The following ERBB4 variants were observed in gnomAD, a reference collection of about 807,000 sequenced individuals.
The protein encoded by ERBB4 is receptor tyrosine-protein kinase erbB-4.
Under a neutral mutation model 158.0 loss-of-function variants are expected in ERBB4, and 42 were observed. That is an observed-to-expected ratio of 0.27 (90% CI 0.21 to 0.34). ERBB4 has a LOEUF of 0.34. Ranked by LOEUF, ERBB4 falls within the 10% of genes least tolerant of loss-of-function variation. ERBB4 has a pLI of 1.00. For synonymous variants in ERBB4, 583 were observed against 558.7 expected, an observed-to-expected ratio of 1.04 and a Z score of -0.61; for missense variants, 1,333 against 1,624.1, an observed-to-expected ratio of 0.82 and a Z score of 3.08.
At chr2:211,722,204 T>A (rs912876764) in intron 7 of ERBB4, among the ~76,000 whole-genome samples, 189 bp downstream of exon 7, 1 of 152,182 alleles carries the variant, frequency 6.6e-6, no homozygotes, top group African/African-American at 2.4e-5. Flanking sequence ...CCTTTTGCTA[T>A]GAAACTTTAC....
At chr2:212,479,019 T>C (rs1347768976) in intron 1 of ERBB4, among the ~76,000 whole-genome samples, 1 of 152,194 alleles carries the variant, frequency 6.6e-6, no homozygotes, top group Non-Finnish European at 1.5e-5. Flanking sequence ...CTGGGCACTA[T>C]GCCAAGCCCT....
chr2:212,140,858 T>TGC (rs2080441092), intron 1 of ERBB4, among the ~76,000 whole-genome samples: 1 of 150,328 alleles, frequency 6.7e-6, no homozygotes, highest in African/African-American at 2.4e-5. Context: ...TGTGTGTGTG[T>TGC]GTGTGTGTGT....
intron 3 of ERBB4, among the ~76,000 whole-genome samples, chr2:211,789,840 A>C (rs559265139): frequency 6.6e-6 from 1 of 152,226 alleles, no homozygotes; most frequent in African/African-American, 2.4e-5. Context: ...TTATTTGTGG[A>C]CTGGTGGTCA....
intron 3 of ERBB4, among the ~76,000 whole-genome samples, chr2:211,797,597 T>C (rs940299049): frequency 6.6e-6 from 1 of 151,958 alleles, no homozygotes; most frequent in Admixed American, 6.6e-5. Flanking sequence ...GATTTTCAAA[T>C]ATGTCAAGAT....
chr2:211,428,544 T>G lies in ERBB4; in HGVS notation c.2644-61A>C, dbSNP rs2063683720. 3 of 914,200 alleles carry G rather than the reference T, an allele frequency of 3.3e-6. No homozygotes were observed. In the Admixed American group the frequency reaches 5.2e-5, roughly 16 times the overall value. The allele number at this position is 914,200 out of a possible 1,614,324, so 56.6% of individuals were successfully genotyped here. Reference sequence around the variant, plus strand: ...CATTAAAAATTCATTTCTATATGTATTTCCTAAATGTGAGTCTTTGGGCTG... The same window carrying G: ...CATTAAAAATTCATTTCTATATGTAGTTCCTAAATGTGAGTCTTTGGGCTG... On this transcript the variant is annotated intron_variant, in intron 21 of 27. Transcript: ENST00000342788.
At chr2:211,978,141 C>T (rs1324748191) in intron 2 of ERBB4, among the ~76,000 whole-genome samples, 3 of 151,790 alleles carry the variant, frequency 2.0e-5, no homozygotes, top group East Asian at 3.9e-4. Flanking sequence ...CACCAGAATA[C>T]ATAAATTTCC....
intron 3 of ERBB4, among the ~76,000 whole-genome samples, chr2:211,863,458 T>C (rs973965188): frequency 6.6e-6 from 1 of 152,236 alleles, no homozygotes; most frequent in Non-Finnish European, 1.5e-5. Flanking sequence ...GCTCACTTTT[T>C]GTGTCCGCAC....
chr2:212,442,342 A>G (rs1350995049), intron 1 of ERBB4, among the ~76,000 whole-genome samples: 2 of 152,184 alleles, frequency 1.3e-5, no homozygotes, highest in African/African-American at 4.8e-5. Flanking sequence ...AATGAAGGGG[A>G]GGCTGGGTCC....
intron 14 of ERBB4, among the ~76,000 whole-genome samples, chr2:211,667,645 T>C (rs866139493): frequency 5.3e-5 from 8 of 152,270 alleles, no homozygotes; most frequent in African/African-American, 1.9e-4. Flanking sequence ...TGACTTATTG[T>C]ACAAGACAAG....
chr2:211,499,208 G>T (rs2125587759), intron 20 of ERBB4, among the ~76,000 whole-genome samples: 1 of 152,130 alleles, frequency 6.6e-6, no homozygotes, highest in Non-Finnish European at 1.5e-5. Context: ...TTATAGATGT[G>T]CTGCCCATTT....
chr2:212,125,196 C>A, intron 1 of ERBB4: 3 of 266,274 alleles, frequency 1.1e-5, no homozygotes, highest in Non-Finnish European at 1.4e-5. Context: ...CAAGTAAATA[C>A]ATTTACTTTT....
intron 4 of ERBB4, among the ~76,000 whole-genome samples, chr2:211,758,539 T>C (rs989522293): frequency 6.6e-6 from 1 of 152,216 alleles, no homozygotes; most frequent in Non-Finnish European, 1.5e-5. Flanking sequence ...CCACCTACTG[T>C]GGAACAGAAT....
chr2:212,004,151 CA>C (rs1460212147), intron 2 of ERBB4, among the ~76,000 whole-genome samples: 1 of 151,958 alleles, frequency 6.6e-6, no homozygotes, highest in Non-Finnish European at 1.5e-5. Context: ...AACAATAAGG[CA>C]AAGAGATATT....
intron 1 of ERBB4, among the ~76,000 whole-genome samples, chr2:212,331,508 A>G (rs887563035): frequency 6.6e-6 from 1 of 152,024 alleles, no homozygotes; most frequent in African/African-American, 2.4e-5. Context: ...TTTTTATATC[A>G]TAAAACTAGA....
chr2:212,476,339 C>CAGATA (rs1689401584), intron 1 of ERBB4, among the ~76,000 whole-genome samples: 2 of 152,082 alleles, frequency 1.3e-5, no homozygotes, highest in Non-Finnish European at 2.9e-5. Flanking sequence ...GTATACCTAG[C>CAGATA]AGATAGTAGG....
Position 212,340,304 on chromosome 2 carries a change from T to C in ERBB4, c.82+198145A>G, listed in dbSNP as rs145542153. On this transcript the variant is annotated intron_variant, in intron 1 of 27. Coordinates refer to ENST00000342788, the MANE Select transcript of ERBB4 (RefSeq NM_005235.3). ...TTTCGGGCATCAGGAACTGGTTTCGTGGAAGACAATTTTTCCACAGACAGA... is the reference window on the plus strand; with the variant it reads ...TTTCGGGCATCAGGAACTGGTTTCGCGGAAGACAATTTTTCCACAGACAGA... 2.6e-3 allele frequency among the ~76,000 whole-genome samples: 403 copies of C among 152,294 alleles called. 11 individuals are homozygous for C. In the East Asian group the frequency reaches 0.072, roughly 27 times the overall value.
chr2:212,263,205 T>C (rs368104140), intron 1 of ERBB4, among the ~76,000 whole-genome samples: 2 of 152,050 alleles, frequency 1.3e-5, no homozygotes, highest in South Asian at 2.1e-4. Context: ...TGTGACAGGT[T>C]CTGCTTGAGA....
At chr2:212,126,631 T>C (rs2079939248) in intron 1 of ERBB4, among the ~76,000 whole-genome samples, 1 of 152,112 alleles carries the variant, frequency 6.6e-6, no homozygotes, top group Non-Finnish European at 1.5e-5. Context: ...AATAATGGTA[T>C]GTAAAGAAAA....
At chr2:212,481,105 T>C (rs992391886) in intron 1 of ERBB4, among the ~76,000 whole-genome samples, 3 of 152,134 alleles carry the variant, frequency 2.0e-5, no homozygotes, top group Admixed American at 6.5e-5. Flanking sequence ...ATGTGAGTTA[T>C]AGGTATTGTA....
Sources: gnomAD v4.1 joint callset for allele counts (sites outside exome capture counted in the v4.1 genomes callset) on GRCh38, gnomAD v4.1.1 for gene constraint, MANE v1.5 for transcripts, NCBI Gene and HGNC (gene_info 2026-07-23, HGNC 2026-07-21) for gene names.